The following CCDC171 variants were observed in gnomAD, a reference collection of about 807,000 sequenced individuals.
CCDC171 encodes coiled-coil domain containing 171.
CCDC171 carries 177 observed loss-of-function variants against 168.2 expected under a neutral mutation model. The ratio of observed to expected loss-of-function variants is 1.05; its 90% CI spans 0.93 to 1.19. The LOEUF is 1.19. Ranked by LOEUF, CCDC171 falls within the 50% of genes most tolerant of loss-of-function variation. CCDC171 has a pLI of 0.00. For synonymous variants in CCDC171, 687 were observed against 540.8 expected (o/e 1.27, Z -3.75); for missense variants, 1,991 against 1,539.0 (o/e 1.29, Z -4.91).
chr9:15,909,114 A>G (rs1355344681), intron 24 of CCDC171, among the ~76,000 whole-genome samples: 2 of 152,168 alleles, frequency 1.3e-5, no homozygotes, highest in African/African-American at 2.4e-5. Flanking sequence ...AGCTTATCCA[A>G]TCATATTTCT....
At chr9:15,652,543 A>G (rs1301015108) in intron 7 of CCDC171, among the ~76,000 whole-genome samples, 2 of 150,376 alleles carry the variant, frequency 1.3e-5, no homozygotes, top group African/African-American at 2.4e-5. Context: ...CCATTCTCTC[A>G]CCTTAGCCTC....
downstream of CCDC171, among the ~76,000 whole-genome samples, chr9:15,978,981 A>G (rs1831707352): frequency 6.6e-6 from 1 of 152,180 alleles, no homozygotes; most frequent in Non-Finnish European, 1.5e-5. Flanking sequence ...ATGTAAATAG[A>G]ACAATATGTA....
intron 24 of CCDC171, among the ~76,000 whole-genome samples, chr9:15,888,300 C>T (rs770979433): frequency 3.3e-5 from 5 of 151,966 alleles, no homozygotes; most frequent in Non-Finnish European, 7.4e-5. Context: ...ATACATATAT[C>T]TTTTGATTGA....
chr9:16,099,728 T>G, the CCDC171 span, among the ~76,000 whole-genome samples: 5 of 152,242 alleles, frequency 3.3e-5, no homozygotes, highest in East Asian at 9.7e-4. Context: ...AATGAGATAG[T>G]CTCAACAAGA....
intron 3 of CCDC171, among the ~76,000 whole-genome samples, chr9:16,012,405 G>C (rs1259462160): frequency 1.3e-5 from 2 of 152,070 alleles, no homozygotes; most frequent in African/African-American, 4.8e-5. Context: ...TTATTTCTTT[G>C]GTTGGTCAGA....
At chr9:15,632,072 TG>T (rs1235976870) in intron 7 of CCDC171, among the ~76,000 whole-genome samples, 3 of 152,068 alleles carry the variant, frequency 2.0e-5, no homozygotes, top group Admixed American at 1.3e-4. Context: ...TCATACTAAA[TG>T]GGCAAAAACT....
intron 11 of CCDC171, among the ~76,000 whole-genome samples, chr9:15,713,657 A>G (rs1212977417): frequency 1.3e-5 from 2 of 152,102 alleles, no homozygotes; most frequent in Non-Finnish European, 2.9e-5. Context: ...AGTTATCTGT[A>G]GTGGATGACT....
chr9:15,787,730 A>G (rs1220137358), intron 21 of CCDC171, among the ~76,000 whole-genome samples: 3 of 152,218 alleles, frequency 2.0e-5, no homozygotes, highest in Non-Finnish European at 4.4e-5. Flanking sequence ...TACTGATTAC[A>G]TTCTCTCCTA....
At chr9:15,861,396 C>T (rs151181327) in intron 23 of CCDC171, among the ~76,000 whole-genome samples, 101 of 151,748 alleles carry the variant, frequency 6.7e-4, no homozygotes, top group African/African-American at 2.3e-3. Context: ...TTTGGAGTTC[C>T]AGAGCTTTTT....
intron 1 of CCDC171, among the ~76,000 whole-genome samples, chr9:15,556,058 C>T (rs1012132440): frequency 6.6e-6 from 1 of 152,098 alleles, no homozygotes; most frequent in Non-Finnish European, 1.5e-5. Flanking sequence ...GTATATGTGC[C>T]ACATTTTCTT....
At chr9:15,975,864 G>T (rs1384866637), downstream of CCDC171, among the ~76,000 whole-genome samples, 1 of 152,182 alleles carries the variant, frequency 6.6e-6, no homozygotes. Flanking sequence ...CTTTGCAGGG[G>T]TGATTAAGTT....
At chr9:15,694,736 G>A (rs967666322) in intron 10 of CCDC171, among the ~76,000 whole-genome samples, 6 of 152,182 alleles carry the variant, frequency 3.9e-5, no homozygotes, top group Non-Finnish European at 7.4e-5. Flanking sequence ...TCTCTGTCCA[G>A]TGCTTCCATT....
At chr9:15,906,061 C>T (rs1242308662) in intron 24 of CCDC171, among the ~76,000 whole-genome samples, 1 of 152,152 alleles carries the variant, frequency 6.6e-6, no homozygotes, top group Non-Finnish European at 1.5e-5. Context: ...AATCCAGGAC[C>T]AGATGGATTC....
intron 16 of CCDC171, among the ~76,000 whole-genome samples, chr9:15,730,880 T>G (rs2054109415): frequency 6.6e-6 from 1 of 152,010 alleles, no homozygotes; most frequent in South Asian, 2.1e-4. Flanking sequence ...AGAGGTAGCA[T>G]TGATATACAG....
intron 3 of CCDC171, among the ~76,000 whole-genome samples, chr9:16,008,419 C>T (rs1031495399): frequency 6.6e-6 from 1 of 152,014 alleles, no homozygotes; most frequent in Admixed American, 6.6e-5. Context: ...TCCGCACATT[C>T]GTGACTATAG....
chr9:15,622,614 A>G (rs2044594916), intron 6 of CCDC171, among the ~76,000 whole-genome samples: 2 of 152,190 alleles, frequency 1.3e-5, no homozygotes, highest in African/African-American at 2.4e-5. Context: ...TGCCTTTGAT[A>G]TTTGTGTTAA....
chr9:15,885,106 A>G (rs1221020567), intron 24 of CCDC171, among the ~76,000 whole-genome samples: 1 of 152,242 alleles, frequency 6.6e-6, no homozygotes, highest in Non-Finnish European at 1.5e-5. Context: ...ATTTTGAAAC[A>G]TTTTGTCACC....
At chr9:16,053,650 A>G (rs532317344) in intron 1 of CCDC171, among the ~76,000 whole-genome samples, 1 of 152,324 alleles carries the variant, frequency 6.6e-6, no homozygotes, top group South Asian at 2.1e-4. Context: ...CTCTCCATCA[A>G]TGGTGGCAGC....
intron 24 of CCDC171, among the ~76,000 whole-genome samples, chr9:15,898,279 G>A (rs1322240434): frequency 6.6e-6 from 1 of 152,112 alleles, no homozygotes; most frequent in African/African-American, 2.4e-5. Context: ...AGAGTGTGGG[G>A]TTCACCTCCT....
Sources: gnomAD v4.1 joint callset for allele counts (sites outside exome capture counted in the v4.1 genomes callset) on GRCh38, gnomAD v4.1.1 for gene constraint, MANE v1.5 for transcripts, NCBI Gene and HGNC (gene_info 2026-07-23, HGNC 2026-07-21) for gene names.